Variants in AGTPBP1 observed in about 807,000 individuals in gnomAD.
AGTPBP1 encodes ATP/GTP binding carboxypeptidase 1.
In AGTPBP1, 70 loss-of-function variants were observed where a neutral mutation model predicts 143.9. The observed-to-expected ratio is 0.49, with a 90% confidence interval of 0.40 to 0.59. The LOEUF (loss-of-function observed/expected upper bound fraction) is 0.59, where lower values mean the gene tolerates loss of function less well. Among genes scored for constraint, AGTPBP1 ranks in the 20% least tolerant of loss-of-function variants. The pLI is 0.00. For missense variants in AGTPBP1, 1,229 were observed against 1,464.5 expected (o/e 0.84, Z 2.62); for synonymous variants, 463 against 500.2 (o/e 0.93, Z 0.99).
chr9:85,723,823 C>A (rs1294460413), intron 1 of AGTPBP1, among the ~76,000 whole-genome samples: 1 of 152,158 alleles, frequency 6.6e-6, no homozygotes, highest in Non-Finnish European at 1.5e-5. Flanking sequence ...TTGGAAGCCT[C>A]CTCTGGGTTG....
At chr9:85,696,389 C>T (rs1484833243) in intron 2 of AGTPBP1, among the ~76,000 whole-genome samples, 2 of 151,764 alleles carry the variant, frequency 1.3e-5, no homozygotes, top group East Asian at 1.9e-4. Flanking sequence ...TCAACCCGGT[C>T]GGGCGCAGTG....
intron 17 of AGTPBP1, among the ~76,000 whole-genome samples, chr9:85,605,833 T>C (rs1205806898): frequency 1.3e-5 from 2 of 152,066 alleles, no homozygotes; most frequent in Admixed American, 1.3e-4. Context: ...TGTCATCAGT[T>C]TAAAATAATG....
chr9:85,756,207 A>C, the AGTPBP1 span: 1 of 1,602,266 alleles, frequency 6.2e-7, no homozygotes, highest in Non-Finnish European at 8.5e-7. Context: ...GCTCTGTTAC[A>C]GGAGAAGAGT....
intron 2 of AGTPBP1, among the ~76,000 whole-genome samples, chr9:85,698,929 G>A (rs984043755): frequency 1.1e-4 from 16 of 151,452 alleles, no homozygotes; most frequent in Non-Finnish European, 2.1e-4. Flanking sequence ...TCCTGACCTC[G>A]TGATCCACCC....
At chr9:85,795,961 G>C in the AGTPBP1 span, among the ~76,000 whole-genome samples, 7 of 142,040 alleles carry the variant, frequency 4.9e-5, no homozygotes, top group South Asian at 9.1e-4. Flanking sequence ...GGAACGATAA[G>C]AGATGGTTGG....
At chr9:85,803,403 C>T in the AGTPBP1 span, among the ~76,000 whole-genome samples, 3,383 of 152,314 alleles carry the variant, frequency 0.022, 127 homozygotes, top group African/African-American at 0.077. Flanking sequence ...CTCCCATTTT[C>T]TGCTCCACCC....
At chr9:85,681,181 G>C in intron 4 of AGTPBP1, 87 bp downstream of exon 4, 2 of 1,205,536 alleles carry the variant, frequency 1.7e-6, no homozygotes, top group Non-Finnish European at 2.4e-6. Flanking sequence ...GTGTTTCTGT[G>C]TGTATTTATA....
intron 15 of AGTPBP1, 86 bp from the exon 16 acceptor site, chr9:85,619,387 T>C: frequency 3.3e-6 from 3 of 897,650 alleles, no homozygotes; most frequent in East Asian, 2.7e-5. Flanking sequence ...TAATTAAAAA[T>C]ACATCACTAC....
rs750825994 is a variant in AGTPBP1 at position 85,633,049 on chromosome 9, G to A, written c.1628C>T (p.Pro543Leu). 5 of 1,614,010 alleles carry A rather than the reference G, an allele frequency of 3.1e-6. No homozygotes were observed. Among genetic ancestry groups the A allele is most frequent in the Non-Finnish European group, 4.2e-6 (5 of 1,180,030 alleles). ...AGTAAAACCTGGGGCTGTTTGAGAA[G>A]GAATATTCTGCAATGTAATTCGGTC... The part of the protein sequence containing the change: ...ALDRITLQNI[P>L]SQTAPGFTAE... The change falls in exon 14 of 26, where the codon CCT (proline) becomes CTT (leucine). Residue 543 changes from proline to leucine, a missense_variant. Coordinates refer to ENST00000357081, the MANE Select transcript of AGTPBP1 (RefSeq NM_001330701.2).
intron 3 of AGTPBP1, among the ~76,000 whole-genome samples, chr9:85,682,888 A>G (rs1248519368): frequency 6.6e-6 from 1 of 152,232 alleles, no homozygotes; most frequent in Admixed American, 6.5e-5. Flanking sequence ...GAGTAAACAG[A>G]GGGAAAAATG....
At chr9:85,692,155 G>C (rs781742573) in intron 3 of AGTPBP1, among the ~76,000 whole-genome samples, 6 of 152,200 alleles carry the variant, frequency 3.9e-5, no homozygotes, top group Non-Finnish European at 8.8e-5. Flanking sequence ...ATTTGTAAAT[G>C]GGAGGGTGGT....
intron 13 of AGTPBP1, among the ~76,000 whole-genome samples, chr9:85,637,389 TAA>T (rs1832140016): frequency 6.6e-6 from 1 of 152,124 alleles, no homozygotes; most frequent in South Asian, 2.1e-4. Flanking sequence ...TTACTCATAT[TAA>T]AGTCCAATGA....
At chr9:85,658,831 C>A (rs956175220) in intron 9 of AGTPBP1, among the ~76,000 whole-genome samples, 23 of 152,094 alleles carry the variant, frequency 1.5e-4, no homozygotes, top group African/African-American at 5.6e-4. Flanking sequence ...AGGCTTTAAA[C>A]CCAGTATTGT....
At chr9:85,595,590 G>A (rs536047164) in intron 18 of AGTPBP1, among the ~76,000 whole-genome samples, 2 of 152,184 alleles carry the variant, frequency 1.3e-5, no homozygotes, top group South Asian at 2.1e-4. Flanking sequence ...GCAGTGGTGC[G>A]ATCTCGGCTC....
At position 85,637,040 on chromosome 9, in the gene AGTPBP1, G is replaced by GTT. The variant is rs36101581; in HGVS notation, c.1303-3668_1303-3667dup. Reference sequence around the variant, plus strand: ...AAATGAAAGCATATCTCCCCAAAAAGTTTTTTTTTTTTTTTTTTTAGACAG... The same window carrying GTT: ...AAATGAAAGCATATCTCCCCAAAAAGTTTTTTTTTTTTTTTTTTTTTAGACAG... On this transcript the variant is annotated intron_variant, in intron 13 of 25. Transcript: ENST00000357081. Among the ~76,000 whole-genome samples the GTT allele has an allele frequency of 2.0e-3, 259 of 126,442 alleles. 1 individual carries two copies. The highest frequency in any genetic ancestry group is 3.2e-3 in the Non-Finnish European group (193 of 59,552). 83.0% of individuals were successfully genotyped at this position (126,442 alleles called of 152,430 possible). A position where few individuals can be genotyped will look rare whatever the true frequency, so the allele number is the denominator to read the frequency against.
chr9:85,620,420 TA>T (rs67311066), intron 15 of AGTPBP1, among the ~76,000 whole-genome samples: 2,635 of 103,878 alleles, frequency 0.025, 29 homozygotes, highest in Middle Eastern at 0.084. Flanking sequence ...GGACTTCATC[TA>T]AAAAAAAAAA....
At chr9:85,665,216 G>T (rs1326421581) in intron 8 of AGTPBP1, among the ~76,000 whole-genome samples, 2 of 152,162 alleles carry the variant, frequency 1.3e-5, no homozygotes, top group Admixed American at 1.3e-4. Context: ...CAACAGACTG[G>T]TGCTGTTATA....
chr9:85,741,485 G>A, intron 1 of AGTPBP1: 5 of 985,278 alleles, frequency 5.1e-6, no homozygotes, highest in Non-Finnish European at 6.0e-6. Context: ...GACCGCGCCC[G>A]ATACCCTCCG....
the AGTPBP1 span, among the ~76,000 whole-genome samples, chr9:85,755,728 T>G: frequency 6.6e-6 from 1 of 152,192 alleles, no homozygotes; most frequent in South Asian, 2.1e-4. Flanking sequence ...GCCACCAGTG[T>G]AAGTGCTGTG....
Sources: gnomAD v4.1 joint callset for allele counts (sites outside exome capture counted in the v4.1 genomes callset) on GRCh38, gnomAD v4.1.1 for gene constraint, MANE v1.5 for transcripts, NCBI Gene and HGNC (gene_info 2026-07-23, HGNC 2026-07-21) for gene names.